Variants in MROH2A observed in about 807,000 individuals in gnomAD.
The protein encoded by MROH2A is maestro heat like repeat family member 2A.
MROH2A carries 174 observed loss-of-function variants against 200.4 expected under a neutral mutation model. The ratio of observed to expected loss-of-function variants is 0.87; its 90% CI spans 0.77 to 0.98. The LOEUF is 0.98. Among genes scored for constraint, MROH2A ranks in the 50% least tolerant of loss-of-function variants. The pLI is 0.00. For synonymous variants in MROH2A, 829 were observed against 840.4 expected (o/e 0.99, Z 0.23); for missense variants, 2,045 against 2,139.6 (o/e 0.96, Z 0.87).
chr2:233,812,920 G>C (rs902908679), intron 24 of MROH2A, among the ~76,000 whole-genome samples: 1 of 152,184 alleles, frequency 6.6e-6, no homozygotes, highest in African/African-American at 2.4e-5. Context: ...AGACACTTTG[G>C]GGGAGCAGGA....
At chr2:233,777,511 C>T (rs7578153), upstream of MROH2A, among the ~76,000 whole-genome samples, 11,211 of 152,204 alleles carry the variant, frequency 0.074, 1,122 homozygotes, top group African/African-American at 0.22. Flanking sequence ...CAAGGAATAA[C>T]GCAGGAATTT....
intron 6 of MROH2A, 126 bp from the exon 7 acceptor site, chr2:233,793,547 G>C (rs911512420): frequency 2.3e-6 from 2 of 860,008 alleles, no homozygotes; most frequent in Non-Finnish European, 3.2e-6. Context: ...GGGTTGGAAG[G>C]GCAGGGTGCA....
At chr2:233,824,684 G>A (rs1704185473) in intron 35 of MROH2A, among the ~76,000 whole-genome samples, 1 of 152,254 alleles carries the variant, frequency 6.6e-6, no homozygotes, top group Non-Finnish European at 1.5e-5. Context: ...ACTGGGGAAA[G>A]CAGTGCCTTC....
chr2:233,799,786 A>T lies in MROH2A; in HGVS notation c.1336A>T (p.Met446Leu), dbSNP rs1427854502. The change falls in exon 13 of 42, where the codon ATG (methionine) becomes TTG (leucine). Residue 446 changes from methionine (M) to leucine (L), a missense_variant. Around this residue, in one of 3 missense-constraint regions of MROH2A, gnomAD observed 831 missense variants for 800.0 expected, o/e 1.04. Coordinates refer to ENST00000389758, the MANE Select transcript of MROH2A (RefSeq NM_001394639.1). The stretch of plus-strand genomic sequence containing the variant: ...CACGGTCCTGTCCCCTCAGGTGAGG[A>T]TGGCTATTCTCCACATCATTGGGCA... ...TISDTRSKVR[M>L]AILHIIGQLA... 4.5e-6 allele frequency: 7 copies of T among 1,550,378 alleles called. No homozygotes were observed. The South Asian group carries it at 7.1e-5, about 16-fold the overall frequency.
intron 11 of MROH2A, among the ~76,000 whole-genome samples, chr2:233,797,077 T>C (rs923647706): frequency 1.3e-5 from 2 of 152,234 alleles, no homozygotes; most frequent in African/African-American, 2.4e-5. Context: ...CTTTGACAAT[T>C]ACTCAGCTCT....
In MROH2A at chr2:233,807,381, T is replaced by A. The variant is rs112570954; in HGVS notation, c.2053-42T>A. On this transcript the variant is annotated intron_variant, in intron 19 of 41. Coordinates refer to ENST00000389758, the MANE Select transcript of MROH2A (RefSeq NM_001394639.1). This position sits in a 1 kb window ranked among gnomAD's most constrained non-coding sequence, Gnocchi z 4.3. ...ACAACAGCACCCCCTGAAGGCTGGC[T>A]GTAGGGAGGCCTGAGCTCCTTCCTC... 0.065 allele frequency: 98,363 copies of A among 1,524,364 alleles called. 3,707 individuals are homozygous for A. The highest frequency in any genetic ancestry group is 0.075 in the Non-Finnish European group (84,963 of 1,131,764). The allele number at this position is 1,524,364 out of a possible 1,614,324, so 94.4% of individuals were successfully genotyped here. A position where few individuals can be genotyped will look rare whatever the true frequency, so the allele number is the denominator to read the frequency against.
In MROH2A at chr2:233,807,621, G is replaced by A. The variant is rs1253354421; in HGVS notation, c.2172+79G>A. On this transcript the variant is annotated intron_variant, in intron 20 of 41. Coordinates refer to ENST00000389758, the MANE Select transcript of MROH2A (RefSeq NM_001394639.1). The surrounding 1 kb of genome is among the most constrained non-coding windows in gnomAD (Gnocchi z 4.3). ...GACATGTGTGTTCATGTGGCTGCAT[G>A]CGTTTTGTGTGTGTGTGTGTACATG... 2 of 1,541,472 alleles carry A rather than the reference G, an allele frequency of 1.3e-6. No homozygotes were observed. Among genetic ancestry groups the A allele is most frequent in the Non-Finnish European group, 1.8e-6 (2 of 1,141,924 alleles).
chr2:233,778,839 T>A (rs1700793805), intron 1 of MROH2A, among the ~76,000 whole-genome samples: 1 of 152,214 alleles, frequency 6.6e-6, no homozygotes. Context: ...TAAAAGAACA[T>A]CCATTGATTA....
At position 233,791,308 on chromosome 2, in the gene MROH2A, A is replaced by G. The variant is rs553594631; in HGVS notation, c.571+1294A>G. ...TGTGATGGTGGCTGGGCTGGGAAGCATGTGGTGAGGGGTGACAGGTGGGAA... is the reference window on the plus strand; with the variant it reads ...TGTGATGGTGGCTGGGCTGGGAAGCGTGTGGTGAGGGGTGACAGGTGGGAA... On this transcript the variant is annotated intron_variant, in intron 5 of 41. Coordinates refer to ENST00000389758, the MANE Select transcript of MROH2A (RefSeq NM_001394639.1). 4.6e-5 allele frequency among the ~76,000 whole-genome samples: 7 copies of G among 152,140 alleles called. No individual in the cohort carries two copies. The South Asian group carries it at 1.5e-3, about 32-fold the overall frequency.
rs1368081405 is a variant in MROH2A, at chr2:233,789,644, C to G, written c.408+16C>G. ...GATCCCAGAGGTAGGACCCCAAGCT[C>G]CATCGGTGCCTTCCCTCTGCCAGCC... On this transcript the variant is annotated intron_variant, in intron 4 of 41. Coordinates refer to ENST00000389758, the MANE Select transcript of MROH2A (RefSeq NM_001394639.1). 7.6e-6 allele frequency: 11 copies of G among 1,451,746 alleles called. No homozygotes were observed. Among genetic ancestry groups the G allele is most frequent in the Non-Finnish European group, 9.1e-6 (10 of 1,098,800 alleles). The allele number at this position is 1,451,746 out of a possible 1,614,324, so 89.9% of individuals were successfully genotyped here. A position where few individuals can be genotyped will look rare whatever the true frequency, so the allele number is the denominator to read the frequency against.
At chr2:233,801,516 C>T (rs1702471591) in intron 14 of MROH2A, among the ~76,000 whole-genome samples, 1 of 152,172 alleles carries the variant, frequency 6.6e-6, no homozygotes, top group African/African-American at 2.4e-5. Flanking sequence ...GTTGTGGGGG[C>T]TGGCAAGTCT....
intron 22 of MROH2A, among the ~76,000 whole-genome samples, chr2:233,809,750 CAT>C (rs1178982584): frequency 4.0e-5 from 6 of 149,586 alleles, no homozygotes; most frequent in African/African-American, 7.5e-5. Flanking sequence ...ATACACCTAA[CAT>C]AAAGTTTATC....
At chr2:233,827,691 GC>G (rs1704409949) in intron 35 of MROH2A, among the ~76,000 whole-genome samples, 1 of 151,990 alleles carries the variant, frequency 6.6e-6, no homozygotes. Context: ...TATGTAACAA[GC>G]TTGCACTTCC....
intron 13 of MROH2A, 143 bp downstream of exon 13, chr2:233,800,042 T>G: frequency 8.2e-7 from 1 of 1,224,816 alleles, no homozygotes; most frequent in Non-Finnish European, 1.1e-6. Context: ...ACAGTGAACC[T>G]GCAGGTGACA....
At chr2:233,779,613 G>A in intron 2 of MROH2A, 58 bp from the exon 3 acceptor site, 1 of 1,527,694 alleles carries the variant, frequency 6.5e-7, no homozygotes. Context: ...AGGGACACAA[G>A]GGCACCTCCT....
intron 5 of MROH2A, among the ~76,000 whole-genome samples, chr2:233,791,362 C>T (rs962599669): frequency 4.6e-5 from 7 of 151,980 alleles, no homozygotes; most frequent in East Asian, 1.9e-4. Context: ...CTGCTGAGGA[C>T]GGGGGAAGGA....
In MROH2A at chr2:233,799,824, TGGCTACCAGGAGAGAATCAAA is replaced by T; in HGVS notation, c.1379_1399del (p.Tyr460_Gly466del). ...ACATCATTGGGCAGTTGGCTCTCTG[TGGCTACCAGGAGAGAATCAAA>T]GGCTGGGGCCTGAAGTACCTGTCTG... On this transcript the variant is annotated inframe_deletion, in exon 13 of 42. Transcript: ENST00000389758. The T allele has an allele frequency of 6.4e-7, 1 of 1,550,560 alleles. No individual in the cohort carries two copies.
chr2:233,832,729 C>G lies in MROH2A; in HGVS notation c.4903+85C>G. 3 of 936,320 alleles carry G rather than the reference C, an allele frequency of 3.2e-6. No individual in the cohort carries two copies. The South Asian group carries it at 4.3e-5, about 13-fold the overall frequency. The allele number at this position is 936,320 out of a possible 1,614,324, so 58.0% of individuals were successfully genotyped here. The stretch of plus-strand genomic sequence containing the variant: ...TAGAGAAACTGCTTCAAGGGAAGAG[C>G]CAGAGGACCCTTTGCTGTGGGGTTT... On this transcript the variant is annotated intron_variant, in intron 41 of 41. Transcript: ENST00000389758.
chr2:233,813,872 T>G (rs1703339794), intron 25 of MROH2A, 94 bp downstream of exon 25: 13 of 654,506 alleles, frequency 2.0e-5, no homozygotes, highest in Non-Finnish European at 2.7e-5. Context: ...CTGAACCACC[T>G]TTGAGTGTTT....
Sources: allele counts gnomAD v4.1 joint callset (sites outside exome capture counted in the v4.1 genomes callset), GRCh38; gene constraint gnomAD v4.1.1; regional missense constraint gnomAD v4.1.1; non-coding constraint Gnocchi (gnomAD v3.1); transcripts MANE v1.5; gene names NCBI Gene and HGNC (gene_info 2026-07-23, HGNC 2026-07-21).